The following APC2 variants were observed in gnomAD, a reference collection of about 807,000 sequenced individuals.
APC2 encodes the protein APC regulator of Wnt signaling pathway 2.
In APC2, 41 loss-of-function variants were observed where a neutral mutation model predicts 72.5. That is an observed-to-expected ratio of 0.57 (90% confidence interval 0.44 to 0.73). The LOEUF is 0.73. Ranked by LOEUF, APC2 falls within the 30% of genes least tolerant of loss-of-function variation. APC2 has a pLI of 0.00. For synonymous variants in APC2, 1,898 were observed against 1,612.0 expected (o/e 1.18, Z -4.25); for missense variants, 3,729 against 3,403.4 (o/e 1.10, Z -2.38).
At position 1,467,023 on chromosome 19, in the gene APC2, T is replaced by C; in HGVS notation, c.3722T>C (p.Leu1241Pro). 8 of 1,611,126 alleles carry C rather than the reference T, an allele frequency of 5.0e-6. No individual in the cohort carries two copies. Among genetic ancestry groups the C allele is most frequent in the Non-Finnish European group, 6.8e-6 (8 of 1,179,368 alleles). Residue 1241 changes from leucine (L) to proline (P), a missense_variant, in exon 15 of 15, where the codon CTG becomes CCG. By Grantham distance (98) the Leu-to-Pro change is moderately conservative. Transcript: ENST00000590469. ...LQWESYVKRF[L>P]DIADCRERCR... is the part of the protein sequence containing the mutation. ...TGGGAGAGCTACGTGAAGCGCTTCCTGGACATCGCCGACTGCCGGGAGCGC... is the reference window on the plus strand; with the variant it reads ...TGGGAGAGCTACGTGAAGCGCTTCCCGGACATCGCCGACTGCCGGGAGCGC...
Position 1,450,169 on chromosome 19 carries a change from C to T in APC2, c.-188C>T. On this transcript the variant is annotated 5_prime_UTR_variant, in exon 1 of 15. Coordinates refer to ENST00000590469, the MANE Select transcript of APC2 (RefSeq NM_005883.3). ...GAGCGGCAGCGCCGCCTGCCCAGGC[C>T]CGGACCGGGCTTTGTCCGCCCCGGA... 2 of 985,310 alleles carry T rather than the reference C, an allele frequency of 2.0e-6. No individual in the cohort carries two copies. The highest frequency in any genetic ancestry group is 9.4e-5 in the South Asian group (2 of 21,292). The allele number at this position is 985,310 out of a possible 1,614,324, so 61.0% of individuals were successfully genotyped here. A position where few individuals can be genotyped will look rare whatever the true frequency, so the allele number is the denominator to read the frequency against.
At position 1,467,818 on chromosome 19, in the gene APC2, T is replaced by C. The variant is rs746138460; in HGVS notation, c.4517T>C (p.Val1506Ala). 1 of 1,506,708 alleles carries C rather than the reference T, an allele frequency of 6.6e-7. No homozygotes were observed. The highest frequency in any genetic ancestry group is 8.8e-7 in the Non-Finnish European group (1 of 1,134,588). 93.3% of individuals were successfully genotyped at this position (1,506,708 alleles called of 1,614,324 possible). ...LCLTTPTEEA[V>A]YCFYGNDSDE... Reference sequence around the variant, plus strand: ...CTCACGACGCCCACTGAGGAGGCCGTGTACTGCTTCTACGGCAACGACTCG... The same window carrying C: ...CTCACGACGCCCACTGAGGAGGCCGCGTACTGCTTCTACGGCAACGACTCG... Residue 1506 changes from valine to alanine, a missense_variant, in exon 15 of 15, where the codon GTG becomes GCG. Coordinates refer to ENST00000590469, the MANE Select transcript of APC2 (RefSeq NM_005883.3).
chr19:1,469,223 T>C lies in APC2; in HGVS notation c.5922T>C (p.Arg1974=). 1 of 1,410,190 alleles carries C rather than the reference T, an allele frequency of 7.1e-7. No homozygotes were observed. Among genetic ancestry groups the C allele is most frequent in the Non-Finnish European group, 9.3e-7 (1 of 1,078,832 alleles). The allele number at this position is 1,410,190 out of a possible 1,614,324, so 87.4% of individuals were successfully genotyped here. Residue 1974 remains arginine (R), a synonymous_variant, in exon 15 of 15, where the codon CGT becomes CGC. Transcript: ENST00000590469. ...GCGGGGGCCGCCTGGGCCTGGTGCG[T>C]GTGGCCTCAGCCCTCTCCAGCGGCA... ...GARGGRLGLV[R]VASALSSGSE... is the part of the protein sequence containing the mutation.
At chr19:1,454,995 C>G (rs991582759) in intron 4 of APC2, among the ~76,000 whole-genome samples, 154 bp from the exon 5 acceptor site, 10 of 145,676 alleles carry the variant, frequency 6.9e-5, no homozygotes, top group East Asian at 6.3e-4. Flanking sequence ...CACCCCCCCC[C>G]CCTTACCCTA....
chr19:1,448,792 C>G (rs1230752108), upstream of APC2, among the ~76,000 whole-genome samples: 3 of 149,512 alleles, frequency 2.0e-5, no homozygotes, highest in Admixed American at 6.7e-5. Context: ...TGCAGTGAGC[C>G]GAGAACGTGC....
chr19:1,455,117 T>A, intron 4 of APC2, 32 bp from the exon 5 acceptor site: 1 of 1,472,616 alleles, frequency 6.8e-7, no homozygotes, highest in Non-Finnish European at 9.1e-7. Flanking sequence ...GGCGCCGCCC[T>A]CTGAGCCCGC....
chr19:1,454,618 C>G (rs1181351853), intron 4 of APC2, among the ~76,000 whole-genome samples: 1 of 144,072 alleles, frequency 6.9e-6, no homozygotes, highest in Non-Finnish European at 1.5e-5. Context: ...AGCTGGAGTG[C>G]AGTGGCGCGA....
At chr19:1,454,424 G>T (rs947091448) in intron 4 of APC2, among the ~76,000 whole-genome samples, 3 of 151,660 alleles carry the variant, frequency 2.0e-5, no homozygotes, top group Non-Finnish European at 2.9e-5. Flanking sequence ...TGTCACCCAG[G>T]CTGGAGTGCA....
chr19:1,464,858 C>G (rs1178417926), intron 14 of APC2, among the ~76,000 whole-genome samples: 2 of 151,418 alleles, frequency 1.3e-5, no homozygotes, highest in East Asian at 1.9e-4. Flanking sequence ...GTCTCGATCT[C>G]CTGACCTCAG....
intron 9 of APC2, 67 bp from the exon 10 acceptor site, chr19:1,457,898 G>GGGGGGGGGGGGA (rs1555675929): frequency 8.7e-5 from 125 of 1,432,476 alleles, no homozygotes; most frequent in East Asian, 6.9e-4. Context: ...CGGGTTGCGG[G>GGGGGGGGGGGGA]ACCTTCGGGA....
Position 1,468,498 on chromosome 19 carries a change from C to T in APC2, c.5197C>T (p.Pro1733Ser), listed in dbSNP as rs766806513. Residue 1733 changes from proline (P) to serine (S), a missense_variant, in exon 15 of 15, where the codon CCC becomes TCC. By Grantham distance (74) the Pro-to-Ser change is moderately conservative. Transcript: ENST00000590469. ...GTCAGTGGGATCCACCCTACAGCCCCCCAAGCACAGGAAGGGACGACAGGC... is the reference window on the plus strand; with the variant it reads ...GTCAGTGGGATCCACCCTACAGCCCTCCAAGCACAGGAAGGGACGACAGGC... Reference protein sequence around the residue: ...GLSVGSTLQPPKHRKGRQAEG... With the variant: ...GLSVGSTLQPSKHRKGRQAEG... 6.2e-7 allele frequency: 1 copy of T among 1,604,570 alleles called. No individual in the cohort carries two copies. Among genetic ancestry groups the T allele is most frequent in the Non-Finnish European group, 8.5e-7 (1 of 1,176,314 alleles).
intron 13 of APC2, 84 bp from the exon 14 acceptor site, chr19:1,461,879 C>T (rs945549950): frequency 3.5e-5 from 42 of 1,201,404 alleles, no homozygotes; most frequent in Non-Finnish European, 4.5e-5. Flanking sequence ...AACAAAAAAA[C>T]CCAACTTCAC....
rs746248950 is a variant in APC2, at chr19:1,452,892, G to A, written c.-18-92G>A. ...CCCCCAACCCAGGATCAGGCAGGAC[G>A]GCTGGGGCTTAGGTCAGGGGCCGTC... On this transcript the variant is annotated intron_variant, in intron 1 of 14. Coordinates refer to ENST00000590469, the MANE Select transcript of APC2 (RefSeq NM_005883.3). This position sits in a 1 kb window ranked among gnomAD's most constrained non-coding sequence, Gnocchi z 5.1. 198 of 1,444,052 alleles carry A rather than the reference G, an allele frequency of 1.4e-4. No individual in the cohort carries two copies. Among genetic ancestry groups the A allele is most frequent in the South Asian group, 5.9e-4 (44 of 73,954 alleles). The allele number at this position is 1,444,052 out of a possible 1,614,324, so 89.5% of individuals were successfully genotyped here.
intron 12 of APC2, 62 bp downstream of exon 12, chr19:1,460,919 C>T: frequency 6.3e-7 from 1 of 1,599,608 alleles, no homozygotes; most frequent in South Asian, 1.1e-5. Flanking sequence ...GGCCCCTCCC[C>T]AGCGGTGTGG....
At chr19:1,460,456 C>A in intron 11 of APC2, 136 bp downstream of exon 11, 1 of 1,384,096 alleles carries the variant, frequency 7.2e-7, no homozygotes, top group Non-Finnish European at 9.9e-7. Context: ...GACGGGTAGA[C>A]TGAGGCCCAG....
At chr19:1,446,357 C>A, upstream of APC2, 14 of 985,354 alleles carry the variant, frequency 1.4e-5, no homozygotes, top group Non-Finnish European at 1.6e-5. This position sits in a 1 kb window ranked among gnomAD's most constrained non-coding sequence, Gnocchi z 6.1. Context: ...GCGCGTGGGT[C>A]GAGCCGTTGG....
At chr19:1,457,852 T>G (rs1446382806) in intron 9 of APC2, 113 bp from the exon 10 acceptor site, 2 of 893,176 alleles carry the variant, frequency 2.2e-6, no homozygotes, top group Non-Finnish European at 1.7e-6. Flanking sequence ...TGCAGCCATT[T>G]GCAAAGCTCC....
rs1240953337 is a variant in APC2 at position 1,469,364 on chromosome 19, C to G, written c.6063C>G (p.Pro2021=). 3.9e-6 allele frequency: 5 copies of G among 1,268,950 alleles called. No homozygotes were observed. Among genetic ancestry groups the G allele is most frequent in the African/African-American group, 1.6e-5 (1 of 63,130 alleles). 78.6% of individuals were successfully genotyped at this position (1,268,950 alleles called of 1,614,324 possible). The change falls in exon 15 of 15, where the codon CCC becomes CCG. Residue 2021 remains proline, a synonymous_variant. Transcript: ENST00000590469. ...CGGCCGAGTCCGCGGCCTCTGCCCC[C>G]CAGGGCGCCTCGCCCCGCCGCGGCC... ...LSSAESAASA[P]QGASPRRGRP... is the part of the protein sequence containing the mutation.
chr19:1,466,073 C>T lies in APC2; in HGVS notation c.2772C>T (p.Asn924=), dbSNP rs749542975. The stretch of plus-strand genomic sequence containing the variant: ...AGGCGGCCCACGCCAGCCTCTCCAA[C>T]GACAGCCTCAACAGCGGCAGTGCCA... ...RLKAAHASLS[N]DSLNSGSASD... is the part of the protein sequence containing the mutation. The change falls in exon 15 of 15, where the codon AAC becomes AAT. Residue 924 remains asparagine, a synonymous_variant. Transcript: ENST00000590469. 3 of 1,522,824 alleles carry T rather than the reference C, an allele frequency of 2.0e-6. No individual in the cohort carries two copies. Among genetic ancestry groups the T allele is most frequent in the Non-Finnish European group, 2.6e-6 (3 of 1,144,022 alleles). 94.3% of individuals were successfully genotyped at this position (1,522,824 alleles called of 1,614,324 possible).
Sources: gnomAD v4.1 joint callset for allele counts (sites outside exome capture counted in the v4.1 genomes callset) on GRCh38, gnomAD v4.1.1 for gene constraint, Gnocchi (gnomAD v3.1) non-coding constraint, MANE v1.5 for transcripts, NCBI Gene and HGNC (gene_info 2026-07-23, HGNC 2026-07-21) for gene names.